LRRC37B: variants seen among roughly 807,000 people sequenced by gnomAD.
LRRC37B encodes leucine rich repeat containing 37B.
In LRRC37B, 28 loss-of-function variants were observed where a neutral mutation model predicts 98.3. The observed-to-expected ratio is 0.28, with a 90% confidence interval of 0.21 to 0.39. The LOEUF is 0.39. Among genes scored for constraint, LRRC37B ranks in the 10% least tolerant of loss-of-function variants. The pLI is 1.00. For missense variants in LRRC37B, 938 were observed against 1,182.7 expected (o/e 0.79, Z 3.03); for synonymous variants, 364 against 442.7 (o/e 0.82, Z 2.23).
At chr17:32,022,408 T>C (rs1421197833) in exon 1 of LRRC37B, 8 of 1,613,562 alleles carry the variant, frequency 5.0e-6, no homozygotes, top group Admixed American at 1.7e-5. Context: ...CCTCTGGACC[T>C]GGAGCTTAGC....
rs745361792 is a variant in LRRC37B, at chr17:32,022,273, A to G, written c.1208A>G (p.Glu403Gly). The G allele has an allele frequency of 5.0e-6, 8 of 1,613,942 alleles. No homozygotes were observed. The East Asian group carries it at 1.8e-4, about 36-fold the overall frequency. The change falls in exon 1 of 12, where the codon GAG becomes GGG. Residue 403 changes from glutamate (E) to glycine (G), a missense_variant. Around this residue, in one of 2 missense-constraint regions of LRRC37B, gnomAD observed 610 missense variants for 625.6 expected, o/e 0.98. Coordinates refer to ENST00000327564, the Ensembl canonical transcript of LRRC37B. ...GAGGCCCCAATTCAGCCTCCCGAGG[A>G]GGCGGAACCTTCTTCTACAGCCCTG...
chr17:32,049,228 G>A, exon 10 of LRRC37B: 2 of 1,614,016 alleles, frequency 1.2e-6, no homozygotes, highest in Non-Finnish European at 1.7e-6. Flanking sequence ...CATGTGCAAG[G>A]GAGCTGTGCC....
At chr17:32,020,783 T>C, upstream of LRRC37B, 2 of 578,204 alleles carry the variant, frequency 3.5e-6, no homozygotes, top group Non-Finnish European at 5.4e-6. Flanking sequence ...GGACTAGCAC[T>C]TCTGAAGATC....
At chr17:32,029,828 CA>C (rs1485548198) in intron 3 of LRRC37B, among the ~76,000 whole-genome samples, 1 of 152,142 alleles carries the variant, frequency 6.6e-6, no homozygotes, top group Non-Finnish European at 1.5e-5. Flanking sequence ...ATTGAGAGGG[CA>C]CGTTAGAACT....
intron 7 of LRRC37B, among the ~76,000 whole-genome samples, chr17:32,044,645 C>T (rs1419444576): frequency 6.6e-6 from 1 of 152,094 alleles, no homozygotes; most frequent in Non-Finnish European, 1.5e-5. Context: ...TTTGGAAGGC[C>T]GAGATGGGCA....
At chr17:32,041,077 C>T (rs1287964668) in intron 7 of LRRC37B, 4 of 764,750 alleles carry the variant, frequency 5.2e-6, no homozygotes, top group South Asian at 4.1e-5. Flanking sequence ...CGGGCCCTGG[C>T]GGAGGCGCAG....
chr17:32,045,808 C>T (rs1305477755), exon 8 of LRRC37B: 19 of 1,599,830 alleles, frequency 1.2e-5, no homozygotes, highest in Non-Finnish European at 1.4e-5. Flanking sequence ...TGACTAACAG[C>T]ATACATTGTC....
At chr17:32,040,211 T>A in intron 7 of LRRC37B, 2 of 198,172 alleles carry the variant, frequency 1.0e-5, no homozygotes, top group South Asian at 1.9e-4. Context: ...ATAATGTATA[T>A]CTCAGGTCAC....
intron 7 of LRRC37B, chr17:32,042,768 G>C (rs1451662344): frequency 1.3e-5 from 2 of 151,398 alleles, no homozygotes; most frequent in East Asian, 3.9e-4. Context: ...ACAGCCTTGG[G>C]CACGGTTCAG....
At chr17:32,019,718 C>A (rs1910720490), upstream of LRRC37B, among the ~76,000 whole-genome samples, 1 of 152,156 alleles carries the variant, frequency 6.6e-6, no homozygotes, top group Non-Finnish European at 1.5e-5. Context: ...TTAAATCAAA[C>A]CCACCAAGGA....
At chr17:32,048,578 A>G (rs1160542911) in intron 9 of LRRC37B, among the ~76,000 whole-genome samples, 2 of 151,946 alleles carry the variant, frequency 1.3e-5, no homozygotes, top group Non-Finnish European at 2.9e-5. Flanking sequence ...AGAAATGGCA[A>G]TGGCTAGAGT....
chr17:32,031,000 T>G (rs924124265), intron 4 of LRRC37B, among the ~76,000 whole-genome samples: 5 of 152,134 alleles, frequency 3.3e-5, no homozygotes, highest in African/African-American at 1.2e-4. Flanking sequence ...TTGACAAAAC[T>G]GTGGTTGTGC....
At chr17:32,038,240 G>T (rs867082731) in intron 7 of LRRC37B, among the ~76,000 whole-genome samples, 64 of 152,166 alleles carry the variant, frequency 4.2e-4, no homozygotes, top group South Asian at 4.2e-4. Flanking sequence ...CAGGAGGATT[G>T]CTTGAGGCCA....
chr17:32,050,667 A>G (rs1176933526), intron 11 of LRRC37B: 1 of 151,950 alleles, frequency 6.6e-6, no homozygotes, highest in Admixed American at 6.6e-5. Flanking sequence ...CACGTTTTCA[A>G]ATTCACAGGG....
At chr17:32,029,801 G>A (rs1911063119) in intron 3 of LRRC37B, among the ~76,000 whole-genome samples, 1 of 152,198 alleles carries the variant, frequency 6.6e-6, no homozygotes, top group South Asian at 2.1e-4. Flanking sequence ...GCTGTAAGAT[G>A]GATCTGCATC....
intron 8 of LRRC37B, among the ~76,000 whole-genome samples, chr17:32,046,159 T>C (rs2142261177): frequency 6.6e-6 from 1 of 152,384 alleles, no homozygotes; most frequent in African/African-American, 2.4e-5. Context: ...CAATGTAGTT[T>C]GTAAGCTGGT....
intron 9 of LRRC37B, 79 bp downstream of exon 12, chr17:32,047,980 A>G (rs1287111489): frequency 1.2e-6 from 2 of 1,610,584 alleles, no homozygotes; most frequent in Non-Finnish European, 1.7e-6. Flanking sequence ...TCACTGGGAA[A>G]TCTAGGTGCA....
chr17:32,036,471 A>G (rs565912119), intron 7 of LRRC37B, among the ~76,000 whole-genome samples: 15 of 152,348 alleles, frequency 9.8e-5, no homozygotes, highest in Middle Eastern at 3.4e-3. Flanking sequence ...TAGAAAATTT[A>G]AAACACGGTA....
chr17:32,015,268 C>A (rs1295077823), intron 1 of LRRC37B, among the ~76,000 whole-genome samples: 1 of 152,230 alleles, frequency 6.6e-6, no homozygotes, highest in African/African-American at 2.4e-5. Context: ...GATTGGGACA[C>A]TATTCCACAT....
Sources: gnomAD v4.1 joint callset for allele counts (sites outside exome capture counted in the v4.1 genomes callset) on GRCh38, gnomAD v4.1.1 for gene constraint, gnomAD v4.1.1 regional missense constraint, MANE v1.5 for transcripts, NCBI Gene and HGNC (gene_info 2026-07-23, HGNC 2026-07-21) for gene names.